SDK1: variants seen among roughly 807,000 people sequenced by gnomAD.
SDK1 encodes protein sidekick-1.
In SDK1, 157 loss-of-function variants were observed where a neutral mutation model predicts 245.5. The ratio of observed to expected loss-of-function variants is 0.64; its 90% confidence interval spans 0.56 to 0.73. The LOEUF (loss-of-function observed/expected upper bound fraction) is 0.73. Ranked by LOEUF, SDK1 falls within the 30% of genes least tolerant of loss-of-function variation. The pLI is 0.00. For synonymous variants in SDK1, 1,647 were observed against 1,278.5 expected, an observed-to-expected ratio of 1.29 and a Z score of -6.15; for missense variants, 3,583 against 3,002.3, an observed-to-expected ratio of 1.19 and a Z score of -4.52.
At chr7:3,410,099 A>G (rs915414699) in intron 1 of SDK1, among the ~76,000 whole-genome samples, 2 of 152,214 alleles carry the variant, frequency 1.3e-5, no homozygotes, top group African/African-American at 4.8e-5. Context: ...CTGGCACATA[A>G]TAAGTAATAC....
intron 1 of SDK1, among the ~76,000 whole-genome samples, chr7:3,473,978 C>A (rs574117149): frequency 9.9e-4 from 150 of 151,714 alleles, no homozygotes; most frequent in African/African-American, 3.4e-3. Context: ...GGCTCAAATG[C>A]CTCGATATTT....
At chr7:3,340,808 A>C (rs1372431366) in intron 1 of SDK1, among the ~76,000 whole-genome samples, 1 of 151,908 alleles carries the variant, frequency 6.6e-6, no homozygotes, top group East Asian at 1.9e-4. Flanking sequence ...AATAAAGTGC[A>C]ATAAAACAAG....
intron 5 of SDK1, among the ~76,000 whole-genome samples, chr7:3,897,747 G>C (rs560641945): frequency 7.3e-5 from 6 of 82,382 alleles, no homozygotes; most frequent in Admixed American, 2.3e-4. Context: ...TTTTACAGCT[G>C]TGTGTGTGTG....
chr7:4,174,263 C>T lies in SDK1; in HGVS notation c.4842C>T (p.Tyr1614=), dbSNP rs1287537514. 1 of 1,613,922 alleles carries T rather than the reference C, an allele frequency of 6.2e-7. No individual in the cohort carries two copies. The highest frequency in any genetic ancestry group is 2.2e-5 in the East Asian group (1 of 44,878). ...GCCTGAATGGCCTTCTTCAGGGATA[C>T]AGGATCTACTACAGGGAGCTGGAGT... is the stretch of plus-strand genomic sequence containing the variant. ...DESLNGLLQG[Y]RIYYRELEYE... Residue 1614 remains tyrosine, a synonymous_variant, in exon 33 of 45, where the codon TAC becomes TAT. Coordinates refer to ENST00000404826, the MANE Select transcript of SDK1 (RefSeq NM_152744.4).
intron 15 of SDK1, 127 bp from the exon 16 acceptor site, chr7:4,011,968 G>C (rs771195595): frequency 8.5e-6 from 6 of 705,286 alleles, no homozygotes; most frequent in Non-Finnish European, 1.1e-5. Context: ...TGTGTGTTTT[G>C]CTTTTCCTGA....
chr7:3,634,154 C>T (rs1289541152), intron 2 of SDK1, among the ~76,000 whole-genome samples: 1 of 152,150 alleles, frequency 6.6e-6, no homozygotes, highest in African/African-American at 2.4e-5. Context: ...GTGGTCTTTT[C>T]AGCCTTTAAT....
intron 1 of SDK1, among the ~76,000 whole-genome samples, chr7:3,305,311 T>G (rs1176882036): frequency 6.6e-6 from 1 of 152,206 alleles, no homozygotes; most frequent in African/African-American, 2.4e-5. Flanking sequence ...AAGTGATTCT[T>G]GTATGTTTGT....
intron 32 of SDK1, among the ~76,000 whole-genome samples, chr7:4,173,707 G>T (rs549863882): frequency 6.6e-6 from 1 of 152,340 alleles, no homozygotes; most frequent in Non-Finnish European, 1.5e-5. Context: ...GGGCCATGGG[G>T]ATTCCAGCCT....
At chr7:3,818,778 A>G (rs1011308114) in intron 4 of SDK1, among the ~76,000 whole-genome samples, 3 of 152,192 alleles carry the variant, frequency 2.0e-5, no homozygotes, top group Non-Finnish European at 4.4e-5. Flanking sequence ...CGTTCTCTCT[A>G]TTCTGCTGCC....
At chr7:4,108,999 G>A (rs1254501830) in intron 22 of SDK1, among the ~76,000 whole-genome samples, 1 of 152,232 alleles carries the variant, frequency 6.6e-6, no homozygotes, top group Non-Finnish European at 1.5e-5. Flanking sequence ...GGTAGCAGGT[G>A]TGGGTGCTTT....
At chr7:3,442,039 C>T (rs183872520) in intron 1 of SDK1, among the ~76,000 whole-genome samples, 18 of 152,248 alleles carry the variant, frequency 1.2e-4, no homozygotes, top group African/African-American at 3.1e-4. Context: ...TTGACCGTTA[C>T]GTGTACTCAC....
At chr7:3,884,535 A>C (rs1030433869) in intron 5 of SDK1, among the ~76,000 whole-genome samples, 1 of 152,194 alleles carries the variant, frequency 6.6e-6, no homozygotes, top group Non-Finnish European at 1.5e-5. Context: ...ACTGAGTCTC[A>C]GGGAGATTAG....
intron 2 of SDK1, among the ~76,000 whole-genome samples, chr7:3,630,745 G>A (rs773626710): frequency 6.6e-6 from 1 of 152,164 alleles, no homozygotes; most frequent in Non-Finnish European, 1.5e-5. Context: ...CTGAAAGAGA[G>A]AAGAAAAAGA....
chr7:3,500,428 T>C (rs1384665820), intron 1 of SDK1, among the ~76,000 whole-genome samples: 1 of 152,224 alleles, frequency 6.6e-6, no homozygotes, highest in Non-Finnish European at 1.5e-5. Context: ...TAGAGAATTC[T>C]TGGTGGGAAA....
intron 5 of SDK1, among the ~76,000 whole-genome samples, chr7:3,825,147 A>G (rs903221381): frequency 2.0e-5 from 3 of 152,158 alleles, no homozygotes; most frequent in Non-Finnish European, 2.9e-5. Context: ...CAGAAAAAGA[A>G]GGGTTTGGGC....
chr7:3,796,286 T>G (rs1019031029), intron 4 of SDK1, among the ~76,000 whole-genome samples: 8 of 152,248 alleles, frequency 5.3e-5, no homozygotes, highest in African/African-American at 1.9e-4. Flanking sequence ...TGTCCACGGA[T>G]GGTCAGAGGA....
At chr7:4,094,093 G>T (rs147447987) in intron 22 of SDK1, among the ~76,000 whole-genome samples, 7 of 152,144 alleles carry the variant, frequency 4.6e-5, no homozygotes, top group African/African-American at 1.4e-4. Flanking sequence ...CTCTCATTCC[G>T]TTGCCCAGGC....
chr7:3,926,747 G>C (rs918583533), intron 5 of SDK1, among the ~76,000 whole-genome samples: 1 of 152,204 alleles, frequency 6.6e-6, no homozygotes, highest in Admixed American at 6.5e-5. Flanking sequence ...CTACGACTCC[G>C]TAAGGCACGG....
intron 22 of SDK1, 64 bp from the exon 23 acceptor site, chr7:4,110,599 G>T: frequency 1.7e-6 from 2 of 1,182,152 alleles, no homozygotes; most frequent in Non-Finnish European, 2.5e-6. Context: ...GGTGCACATG[G>T]TCTACATGGC....
Sources: allele counts gnomAD v4.1 joint callset (sites outside exome capture counted in the v4.1 genomes callset), GRCh38; gene constraint gnomAD v4.1.1; transcripts MANE v1.5; gene names NCBI Gene and HGNC (gene_info 2026-07-23, HGNC 2026-07-21).